CIT: variants seen among roughly 807,000 people sequenced by gnomAD.
The protein encoded by CIT is citron rho-interacting serine/threonine kinase, also known as citron Rho-interacting kinase.
CIT carries 79 observed loss-of-function variants against 272.7 expected under a neutral mutation model. The observed-to-expected ratio is 0.29, with a 90% CI of 0.24 to 0.35. The LOEUF (loss-of-function observed/expected upper bound fraction) is 0.35, where lower values mean the gene tolerates loss of function less well. Among genes scored for constraint, CIT ranks in the 10% least tolerant of loss-of-function variants. The probability of loss-of-function intolerance (pLI) is 1.00; values close to 1 mark genes in which losing one functional copy is unlikely to be tolerated. For missense variants in CIT, 1,909 were observed against 2,618.3 expected (o/e 0.73, Z 5.91); for synonymous variants, 948 against 995.6 (o/e 0.95, Z 0.90).
chr12:119,797,018 CA>C (rs1226140116), intron 10 of CIT, among the ~76,000 whole-genome samples: 2 of 152,122 alleles, frequency 1.3e-5, no homozygotes, highest in Non-Finnish European at 2.9e-5. Context: ...GCTCTTCTTT[CA>C]GGAAGTTTGT....
intron 7 of CIT, 62 bp downstream of exon 7, chr12:119,832,709 T>G: frequency 7.2e-7 from 1 of 1,379,764 alleles, no homozygotes; most frequent in Non-Finnish European, 1.0e-6. Context: ...TTCCCAAACT[T>G]AGGAGGACCA....
chr12:119,731,424 G>A (rs768477449), intron 26 of CIT, among the ~76,000 whole-genome samples: 4 of 144,574 alleles, frequency 2.8e-5, no homozygotes, highest in Admixed American at 6.8e-5. Flanking sequence ...GCAGTGAGCC[G>A]AGATGGCACC....
intron 9 of CIT, among the ~76,000 whole-genome samples, chr12:119,820,285 T>C (rs1967582568): frequency 6.6e-6 from 1 of 152,164 alleles, no homozygotes; most frequent in South Asian, 2.1e-4. Context: ...GTGCGGTGGC[T>C]CATGTCTGTA....
chr12:119,853,271 C>T (rs1970350822), intron 4 of CIT, among the ~76,000 whole-genome samples: 1 of 146,800 alleles, frequency 6.8e-6, no homozygotes, highest in South Asian at 2.1e-4. Context: ...TTGCAGTGAG[C>T]AGAGATTGTG....
At chr12:119,809,264 A>C (rs766096282) in intron 9 of CIT, among the ~76,000 whole-genome samples, 2 of 152,172 alleles carry the variant, frequency 1.3e-5, no homozygotes, top group Non-Finnish European at 2.9e-5. Context: ...GGATACAATC[A>C]TCTCAATAGT....
chr12:119,854,270 C>T (rs909801840), intron 4 of CIT, among the ~76,000 whole-genome samples: 7 of 151,528 alleles, frequency 4.6e-5, no homozygotes, highest in African/African-American at 1.5e-4. Context: ...TCAAGTGATC[C>T]GCCCTGCTTG....
intron 28 of CIT, among the ~76,000 whole-genome samples, chr12:119,722,505 T>C (rs975824595): frequency 6.6e-6 from 1 of 152,222 alleles, no homozygotes; most frequent in Non-Finnish European, 1.5e-5. Context: ...TGTTTTTCTT[T>C]CCATTTATAT....
At chr12:119,841,041 GCAGGGCAT>G (rs1969374440) in intron 5 of CIT, among the ~76,000 whole-genome samples, 2 of 152,122 alleles carry the variant, frequency 1.3e-5, no homozygotes, top group East Asian at 3.9e-4. Flanking sequence ...CTCATCCCAA[GCAGGGCAT>G]CAGATCCAGT....
intron 24 of CIT, among the ~76,000 whole-genome samples, chr12:119,741,164 AAAG>A (rs1021281704): frequency 6.6e-6 from 1 of 152,228 alleles, no homozygotes; most frequent in Non-Finnish European, 1.5e-5. Context: ...TAAAAAAAAA[AAAG>A]AACAAATTAT....
Position 119,697,665 on chromosome 12 carries a change from G to A in CIT, c.5876C>T (p.Ser1959Phe). 1 of 1,613,786 alleles carries A rather than the reference G, an allele frequency of 6.2e-7. No individual in the cohort carries two copies. Among genetic ancestry groups the A allele is most frequent in the Non-Finnish European group, 8.5e-7 (1 of 1,179,864 alleles). The change falls in exon 46 of 48, where the codon TCC (serine) becomes TTC (phenylalanine). Residue 1959 changes from serine (S) to phenylalanine (F), a missense_variant. By Grantham distance (155) the Ser-to-Phe change is radical (BLOSUM62 -2). Around this residue, in one of 8 missense-constraint regions of CIT, gnomAD observed 780 missense variants for 1,067.2 expected, o/e 0.73. Transcript: ENST00000392521. This position sits in a 1 kb window ranked among gnomAD's most constrained non-coding sequence, Gnocchi z 4.9. Reference sequence around the variant, plus strand: ...AAGAGGAGAAGCTGGTTACCTGCGGGAGGTGGACGGGCCCCGGTGGTGTTC... The same window carrying A: ...AAGAGGAGAAGCTGGTTACCTGCGGAAGGTGGACGGGCCCCGGTGGTGTTC... ...GTEHHRGPST[S>F]RSSPNKRGPP... is the part of the protein sequence containing the mutation.
intron 2 of CIT, among the ~76,000 whole-genome samples, chr12:119,874,878 T>C (rs1950795356): frequency 7.0e-6 from 1 of 143,604 alleles, no homozygotes; most frequent in African/African-American, 2.7e-5. Flanking sequence ...CAGCGAAGAC[T>C]CTGTCTCAAA....
At position 119,694,763 on chromosome 12, in the gene CIT, C is replaced by T. The variant is rs1357673035; in HGVS notation, c.5882+2896G>A. ...CGGAGGTTGCAGTGAGCCGAGATCA[C>T]GCCACTGTGCTCCAGCCTGGGCACA... On this transcript the variant is annotated intron_variant, in intron 46 of 47. Transcript: ENST00000392521. This position sits in a 1 kb window ranked among gnomAD's most constrained non-coding sequence, Gnocchi z 4.5. Among the ~76,000 whole-genome samples, 3 of 151,942 alleles carry T rather than the reference C, an allele frequency of 2.0e-5. No homozygotes were observed. The highest frequency in any genetic ancestry group is 2.9e-5 in the Non-Finnish European group (2 of 67,996).
chr12:119,774,267 G>A (rs1183925248), intron 16 of CIT, among the ~76,000 whole-genome samples: 1 of 151,612 alleles, frequency 6.6e-6, no homozygotes, highest in Non-Finnish European at 1.5e-5. Flanking sequence ...TGGTTAAGAT[G>A]GTAATTTAAT....
intron 2 of CIT, among the ~76,000 whole-genome samples, chr12:119,870,581 TAGC>T (rs1296172072): frequency 1.4e-5 from 2 of 145,318 alleles, no homozygotes; most frequent in Non-Finnish European, 3.0e-5. Context: ...AAAGGCAGCT[TAGC>T]AGCTTCCACT....
At chr12:119,844,683 A>G (rs1969666370) in intron 5 of CIT, among the ~76,000 whole-genome samples, 1 of 152,230 alleles carries the variant, frequency 6.6e-6, no homozygotes, top group East Asian at 1.9e-4. Context: ...GTACTTGAGA[A>G]GAAAATGGAG....
rs73215397 is a variant in CIT, at chr12:119,825,532, T to C, written c.754-164A>G. Among the ~76,000 whole-genome samples, 2,979 of 117,392 alleles carry C rather than the reference T, an allele frequency of 0.025. 49 individuals are homozygous for C. The highest frequency in any genetic ancestry group is 0.036 in the Non-Finnish European group (2,016 of 55,608). 77.0% of individuals were successfully genotyped at this position (117,392 alleles called of 152,430 possible). On this transcript the variant is annotated intron_variant, in intron 7 of 47. Transcript: ENST00000392521. Reference sequence around the variant, plus strand: ...ACACTGTCAGGAAATGCAAACGCTTTACTAATTTAAAAAAAAAAAAAAAGC... The same window carrying C: ...ACACTGTCAGGAAATGCAAACGCTTCACTAATTTAAAAAAAAAAAAAAAGC...
At chr12:119,862,423 T>C (rs1950367729) in intron 3 of CIT, among the ~76,000 whole-genome samples, 1 of 152,172 alleles carries the variant, frequency 6.6e-6, no homozygotes, top group African/African-American at 2.4e-5. Flanking sequence ...GAGGGATTTT[T>C]CTCTCACTAT....
intron 8 of CIT, among the ~76,000 whole-genome samples, chr12:119,823,601 G>T (rs1005288114): frequency 5.3e-5 from 8 of 152,044 alleles, no homozygotes; most frequent in Non-Finnish European, 1.0e-4. Context: ...GGAGGCTCAA[G>T]AATAACAAAT....
At chr12:119,738,698 A>G (rs897649262) in intron 24 of CIT, among the ~76,000 whole-genome samples, 20 of 152,224 alleles carry the variant, frequency 1.3e-4, no homozygotes, top group African/African-American at 4.8e-4. Context: ...AGCCTGACCA[A>G]CATGGAGAAA....
Sources: allele counts gnomAD v4.1 joint callset (sites outside exome capture counted in the v4.1 genomes callset), GRCh38; gene constraint gnomAD v4.1.1; regional missense constraint gnomAD v4.1.1; non-coding constraint Gnocchi (gnomAD v3.1); transcripts MANE v1.5; gene names NCBI Gene and HGNC (gene_info 2026-07-23, HGNC 2026-07-21).